Variants in DRP2 observed in about 807,000 individuals in gnomAD.
DRP2 encodes the protein dystrophin related protein 2.
A neutral mutation model predicts 78.2 loss-of-function variants in DRP2; 29 were observed. The ratio of observed to expected loss-of-function variants is 0.37; its 90% confidence interval spans 0.28 to 0.51. The LOEUF (loss-of-function observed/expected upper bound fraction) is 0.51, where lower values mean the gene tolerates loss of function less well. Among genes scored for constraint, DRP2 ranks in the 20% least tolerant of loss-of-function variants. The probability of loss-of-function intolerance (pLI) is 0.94; values close to 1 mark genes in which losing one functional copy is unlikely to be tolerated. For synonymous variants in DRP2, 290 were observed against 281.9 expected (o/e 1.03, Z -0.29); for missense variants, 686 against 770.6 (o/e 0.89, Z 1.30).
intron 2 of DRP2, among the ~76,000 whole-genome samples, chrX:101,228,104 ACT>A (rs772441319): frequency 7.1e-4 from 80 of 112,242 alleles, no homozygotes; most frequent in African/African-American, 2.2e-3. Context: ...GGAAACTGGC[ACT>A]CTCATACATT....
At chrX:101,230,547 TA>T (rs1414768032) in intron 2 of DRP2, among the ~76,000 whole-genome samples, 3 of 110,067 alleles carry the variant, frequency 2.7e-5, no homozygotes, top group African/African-American at 9.9e-5. Context: ...AATAAATAAA[TA>T]AAATAAAATG....
At position 101,221,151 on chromosome X, in the gene DRP2, G is replaced by A. The variant is rs369283916; in HGVS notation, c.-167+1005G>A. Among the ~76,000 whole-genome samples the A allele has an allele frequency of 2.5e-3, 283 of 112,481 alleles. 1 individual carries two copies. Among genetic ancestry groups the A allele is most frequent in the Non-Finnish European group, 3.8e-3 (201 of 53,273 alleles). On this transcript the variant is annotated intron_variant, in intron 1 of 23. Coordinates refer to ENST00000395209, the MANE Select transcript of DRP2 (RefSeq NM_001939.3). The stretch of plus-strand genomic sequence containing the variant: ...TCAGCAGCAGCTGCTGCCTGCTTCC[G>A]TTGAAAGCATGGTGCATGCTGTCTG...
At chrX:101,232,888 T>C (rs1490872119) in intron 3 of DRP2, among the ~76,000 whole-genome samples, 2 of 112,020 alleles carry the variant, frequency 1.8e-5, no homozygotes, top group African/African-American at 6.5e-5. Flanking sequence ...CCTGAGGGCT[T>C]CATTTTGTGA....
At chrX:101,221,194 T>A (rs763719551) in intron 1 of DRP2, among the ~76,000 whole-genome samples, 2 of 112,722 alleles carry the variant, frequency 1.8e-5, no homozygotes, top group African/African-American at 6.4e-5. Flanking sequence ...ACATACTTTT[T>A]AAAAATGTTT....
rs1923627525 is a variant in DRP2 at position 101,263,328 on chromosome X, A to T, written c.*2707A>T. On this transcript the variant is annotated 3_prime_UTR_variant, in exon 24 of 24. Transcript: ENST00000395209. ...TATTGTGCATGGCACTGTGTAGTTT[A>T]TAGCCCTACACTGGAAGGATGGTGA... 8.9e-6 allele frequency: 1 copy of T among 112,365 alleles called. No homozygotes were observed. The highest frequency in any genetic ancestry group is 3.7e-4 in the South Asian group (1 of 2,713). The allele number at this position is 112,365 out of a possible 1,213,427, so 9.3% of individuals were successfully genotyped here. A position where few individuals can be genotyped will look rare whatever the true frequency, so the allele number is the denominator to read the frequency against.
intron 4 of DRP2, among the ~76,000 whole-genome samples, chrX:101,237,209 G>C (rs1197506776): frequency 8.9e-6 from 1 of 112,166 alleles, no homozygotes; most frequent in Non-Finnish European, 1.9e-5. Flanking sequence ...CAGCCTCTAT[G>C]GTTGAGCAGT....
In DRP2 at chrX:101,241,696, T is replaced by A. The variant is rs772970067; in HGVS notation, c.588T>A (p.Asn196Lys). 1.5e-5 allele frequency: 18 copies of A among 1,211,474 alleles called. No individual in the cohort carries two copies. Among genetic ancestry groups the A allele is most frequent in the Non-Finnish European group, 2.2e-6 (2 of 895,383 alleles). Residue 196 changes from asparagine to lysine, a missense_variant, in exon 7 of 24, where the codon AAT becomes AAA. This residue lies in a region of DRP2 where 263 missense variants were observed against 239.1 expected (regional missense o/e 1.10). Coordinates refer to ENST00000395209, the MANE Select transcript of DRP2 (RefSeq NM_001939.3). ...KDTSPKQRIQ[N>K]LSRFVWKQAT... ...CCTCCCCGAAACAGCGGATCCAGAA[T>A]CTCAGCCGCTTTGTATGGAAGCAGG...
chrX:101,231,311 A>T (rs1922300719), intron 2 of DRP2, among the ~76,000 whole-genome samples: 1 of 112,153 alleles, frequency 8.9e-6, no homozygotes, highest in East Asian at 2.8e-4. Context: ...AGCATACATG[A>T]CTGCCTCCCC....
chrX:101,220,808 C>A (rs189750710), intron 1 of DRP2, among the ~76,000 whole-genome samples: 2 of 111,408 alleles, frequency 1.8e-5, no homozygotes, highest in Admixed American at 1.9e-4. Flanking sequence ...TGACATTTTT[C>A]CCCCTTATCT....
At chrX:101,233,902 G>T (rs550425456) in intron 3 of DRP2, among the ~76,000 whole-genome samples, 2 of 111,923 alleles carry the variant, frequency 1.8e-5, no homozygotes, top group South Asian at 7.6e-4. Context: ...AGAGGTCTGA[G>T]GGCTATGGCT....
intron 5 of DRP2, among the ~76,000 whole-genome samples, chrX:101,238,722 GA>G (rs750518077): frequency 1.8e-5 from 2 of 111,399 alleles, no homozygotes; most frequent in Non-Finnish European, 3.8e-5. Context: ...GTCTTCTGGA[GA>G]ACCAAGATCC....
chrX:101,219,874 C>G lies in DRP2; in HGVS notation c.-439C>G, dbSNP rs777709482. Reference sequence around the variant, plus strand: ...TACAAAACTGTCCTTGCTCTTCCTGCGTTTGCCCAGTCAAGGGTATTTTTG... The same window carrying G: ...TACAAAACTGTCCTTGCTCTTCCTGGGTTTGCCCAGTCAAGGGTATTTTTG... On this transcript the variant is annotated 5_prime_UTR_variant, in exon 1 of 24. Transcript: ENST00000395209. 1 of 111,101 alleles carries G rather than the reference C, an allele frequency of 9.0e-6. No individual in the cohort carries two copies. The highest frequency in any genetic ancestry group is 1.9e-5 in the Non-Finnish European group (1 of 53,081). The allele number at this position is 111,101 out of a possible 1,213,427, so 9.2% of individuals were successfully genotyped here.
intron 3 of DRP2, among the ~76,000 whole-genome samples, chrX:101,233,219 C>G (rs1326423884): frequency 8.9e-6 from 1 of 111,959 alleles, no homozygotes; most frequent in Non-Finnish European, 1.9e-5. Context: ...GCAGGGAATG[C>G]AAAGCTAACA....
chrX:101,244,464 C>T (rs1460983500), intron 9 of DRP2, among the ~76,000 whole-genome samples: 1 of 111,708 alleles, frequency 9.0e-6, no homozygotes, highest in Non-Finnish European at 1.9e-5. Flanking sequence ...AGTGAGCAAG[C>T]TGGCCATGTA....
chrX:101,237,322 T>A (rs1277582350), intron 4 of DRP2, among the ~76,000 whole-genome samples: 11 of 111,828 alleles, frequency 9.8e-5, no homozygotes. Flanking sequence ...ATGTTTGGCA[T>A]GCAACTGAAG....
chrX:101,231,660 G>A lies in DRP2; in HGVS notation c.13G>A (p.Val5Ile), dbSNP rs758131270. ...AGCCTTGGTTTTTATGCAACCTATG[G>A]TCATGCAGGGATGCCCTTACACCCT... MQPM[V>I]MQGCPYTLPR... The change falls in exon 3 of 24, where the codon GTC becomes ATC. Residue 5 changes from valine (V) to isoleucine (I), a missense_variant. Around this residue, in one of 2 missense-constraint regions of DRP2, gnomAD observed 263 missense variants for 239.1 expected, o/e 1.10. Transcript: ENST00000395209. 3.3e-6 allele frequency: 4 copies of A among 1,210,232 alleles called. No individual in the cohort carries two copies. Among genetic ancestry groups the A allele is most frequent in the Admixed American group, 2.2e-5 (1 of 45,985 alleles).
chrX:101,241,868 C>T lies in DRP2; in HGVS notation c.760C>T (p.Arg254Ter), dbSNP rs1206634788. 2 of 1,183,338 alleles carry T rather than the reference C, an allele frequency of 1.7e-6. No individual in the cohort carries two copies. The highest frequency in any genetic ancestry group is 1.1e-6 in the Non-Finnish European group (1 of 881,742). Residue 254 changes from arginine to a stop codon, truncating the protein, a stop_gained, in exon 7 of 24, where the codon CGA (arginine) becomes TGA (stop). Coordinates refer to ENST00000395209, the MANE Select transcript of DRP2 (RefSeq NM_001939.3). LOFTEE classifies it high-confidence loss of function. ...TACTCTGAGCCAAGCTGAGGGAGTC[C>T]GAGCCACTTGGGAGCCCATTGGGGA... Reference protein sequence around the residue: ...STTLSQAEGVRATWEPIGDLF... With the variant: ...STTLSQAEGV
intron 2 of DRP2, among the ~76,000 whole-genome samples, chrX:101,225,433 C>G (rs1300591614): frequency 7.2e-5 from 8 of 111,479 alleles, no homozygotes; most frequent in African/African-American, 2.6e-4. Flanking sequence ...AATCCCAGCT[C>G]TTCACGATGT....
chrX:101,228,737 G>A (rs1017370749), intron 2 of DRP2, among the ~76,000 whole-genome samples: 4 of 110,957 alleles, frequency 3.6e-5, no homozygotes, highest in African/African-American at 6.6e-5. Flanking sequence ...ACAAAACCCC[G>A]TCTCTACCAA....
Sources: allele counts gnomAD v4.1 joint callset (sites outside exome capture counted in the v4.1 genomes callset), GRCh38; gene constraint gnomAD v4.1.1; regional missense constraint gnomAD v4.1.1; transcripts MANE v1.5; gene names NCBI Gene and HGNC (gene_info 2026-07-23, HGNC 2026-07-21).